The following ELFN1 variants were observed in gnomAD, a reference collection of about 807,000 sequenced individuals.
ELFN1 encodes protein ELFN1.
In ELFN1, 6 loss-of-function variants were observed where a neutral mutation model predicts 7.6. The ratio of observed to expected loss-of-function variants is 0.79; its 90% CI spans 0.43 to 1.56. The LOEUF (loss-of-function observed/expected upper bound fraction) is 1.56, where lower values mean the gene tolerates loss of function less well. ELFN1 is among the 40% of genes most tolerant of loss of function. The probability of loss-of-function intolerance (pLI) is 0.01; values close to 1 mark genes in which losing one functional copy is unlikely to be tolerated. For missense variants in ELFN1, 1,169 were observed against 1,232.2 expected (o/e 0.95, Z 0.77); for synonymous variants, 657 against 588.1 (o/e 1.12, Z -1.70).
At chr7:1,677,810 G>A (rs192042889) in intron 1 of ELFN1, among the ~76,000 whole-genome samples, 121 of 152,190 alleles carry the variant, frequency 8.0e-4, no homozygotes, top group South Asian at 6.2e-4. Context: ...TCGAGCGGAT[G>A]GAGGCTCTGA....
At chr7:1,666,147 C>T (rs1412612536), upstream of ELFN1, among the ~76,000 whole-genome samples, 10 of 152,150 alleles carry the variant, frequency 6.6e-5, no homozygotes, top group East Asian at 1.9e-3. This position sits in a 1 kb window ranked among gnomAD's most constrained non-coding sequence, Gnocchi z 7.9. Flanking sequence ...GTGCCTCCAG[C>T]CCGGGGCCCG....
intron 3 of ELFN1, among the ~76,000 whole-genome samples, chr7:1,734,207 A>T (rs547271429): frequency 6.2e-4 from 94 of 152,170 alleles, no homozygotes; most frequent in Non-Finnish European, 7.2e-4. Flanking sequence ...GGCATAAGTG[A>T]TGCGCTTTCT....
chr7:1,691,566 G>A (rs1290130979), intron 2 of ELFN1, among the ~76,000 whole-genome samples: 2 of 152,216 alleles, frequency 1.3e-5, no homozygotes, highest in Non-Finnish European at 2.9e-5. Context: ...TGAAGGCTGT[G>A]TTAGGCTGGA....
At chr7:1,730,920 A>G (rs1780311861) in intron 3 of ELFN1, among the ~76,000 whole-genome samples, 2 of 152,132 alleles carry the variant, frequency 1.3e-5, no homozygotes, top group Admixed American at 1.3e-4. Flanking sequence ...AGCAACTGAG[A>G]AAAAAAATGA....
At chr7:1,667,887 G>T (rs549070048), upstream of ELFN1, among the ~76,000 whole-genome samples, 2 of 151,836 alleles carry the variant, frequency 1.3e-5, no homozygotes, top group South Asian at 2.1e-4. This position sits in a 1 kb window ranked among gnomAD's most constrained non-coding sequence, Gnocchi z 8.2. Flanking sequence ...GCCAATCGGC[G>T]CGGCCACGGG....
rs1227197829 is a variant in ELFN1 at position 1,713,078 on chromosome 7, C to G, written c.-294+3826C>G. 2.8e-4 allele frequency among the ~76,000 whole-genome samples: 43 copies of G among 152,296 alleles called. 1 individual carries two copies. The highest frequency in any genetic ancestry group is 1.0e-4 in the Non-Finnish European group (7 of 68,026). On this transcript the variant is annotated intron_variant, in intron 3 of 3. Coordinates refer to ENST00000424383, the MANE Select transcript of ELFN1 (RefSeq NM_001128636.4). Reference sequence around the variant, plus strand: ...TCCCACAGATATCTGTCCTTCCATCCCAGCCCAAGTTCAGGCTCCTCCAGG... The same window carrying G: ...TCCCACAGATATCTGTCCTTCCATCGCAGCCCAAGTTCAGGCTCCTCCAGG...
At chr7:1,716,773 T>C (rs1479746726) in intron 3 of ELFN1, among the ~76,000 whole-genome samples, 1 of 152,022 alleles carries the variant, frequency 6.6e-6, no homozygotes, top group East Asian at 1.9e-4. Context: ...CTAAAGTGGG[T>C]CAGAGAGCGT....
At chr7:1,684,491 G>T (rs534307971) in intron 1 of ELFN1, among the ~76,000 whole-genome samples, 2 of 151,920 alleles carry the variant, frequency 1.3e-5, no homozygotes, top group South Asian at 2.1e-4. Context: ...TCTTATGGTC[G>T]CTGTTTTCTT....
At chr7:1,717,377 C>T (rs926580271) in intron 3 of ELFN1, among the ~76,000 whole-genome samples, 1 of 152,210 alleles carries the variant, frequency 6.6e-6, no homozygotes, top group African/African-American at 2.4e-5. Context: ...GCCATGAGCA[C>T]CTCAGTGGGC....
chr7:1,746,498 GC>G lies in ELFN1; in HGVS notation c.1907del (p.Pro636LeufsTer48). The G allele has an allele frequency of 6.7e-7, 1 of 1,490,486 alleles. No individual in the cohort carries two copies. The highest frequency in any genetic ancestry group is 8.9e-7 in the Non-Finnish European group (1 of 1,128,800). The allele number at this position is 1,490,486 out of a possible 1,614,324, so 92.3% of individuals were successfully genotyped here. A position where few individuals can be genotyped will look rare whatever the true frequency, so the allele number is the denominator to read the frequency against. On this transcript the variant is annotated frameshift_variant, in exon 4 of 4. Transcript: ENST00000424383. LOFTEE classifies it low-confidence loss of function (END_TRUNC). ...GGCACCACAGCGTGGAGGCCGCCGG[GC>G]CCCCTCGTGCCAGCACCTCGTCCAG... Reference protein sequence around the residue: ...QRHHSVEAAGPPRASTSSSGS... With the variant: ...QRHHSVEAAGXPRASTSSSGS...
At chr7:1,727,989 C>T (rs12699184) in intron 3 of ELFN1, among the ~76,000 whole-genome samples, 8,883 of 152,156 alleles carry the variant, frequency 0.058, 324 homozygotes, top group African/African-American at 0.1. Context: ...TGCAGGGGAG[C>T]GGTTTGAGAG....
At chr7:1,683,384 T>C (rs1779009102) in intron 1 of ELFN1, among the ~76,000 whole-genome samples, 1 of 152,246 alleles carries the variant, frequency 6.6e-6, no homozygotes, top group Non-Finnish European at 1.5e-5. Flanking sequence ...TTTTCTATTC[T>C]CACTAAACCA....
At chr7:1,711,869 C>T (rs533433631) in intron 3 of ELFN1, among the ~76,000 whole-genome samples, 3 of 152,174 alleles carry the variant, frequency 2.0e-5, no homozygotes, top group Non-Finnish European at 4.4e-5. Context: ...GGGGAGGGGG[C>T]GGCAGCTCGG....
intron 3 of ELFN1, among the ~76,000 whole-genome samples, chr7:1,726,861 G>C (rs1057325528): frequency 2.0e-5 from 3 of 152,316 alleles, no homozygotes; most frequent in Middle Eastern, 3.4e-3. Context: ...CTTCCGTAGG[G>C]GACCCATGTC....
At chr7:1,699,334 C>A (rs140196325) in intron 2 of ELFN1, among the ~76,000 whole-genome samples, 64 of 152,298 alleles carry the variant, frequency 4.2e-4, no homozygotes, top group Admixed American at 7.2e-4. Flanking sequence ...CATTCACTGA[C>A]CTCCAGCAGT....
intron 3 of ELFN1, among the ~76,000 whole-genome samples, chr7:1,720,969 G>C (rs1780004471): frequency 6.6e-6 from 1 of 152,140 alleles, no homozygotes; most frequent in Non-Finnish European, 1.5e-5. Flanking sequence ...CACTCTCTCT[G>C]TGCCTCAGTT....
intron 1 of ELFN1, among the ~76,000 whole-genome samples, chr7:1,674,545 T>C (rs958479774): frequency 6.6e-6 from 1 of 151,920 alleles, no homozygotes; most frequent in Non-Finnish European, 1.5e-5. Flanking sequence ...GAGGCAGGCA[T>C]CCAGGCAGGA....
intron 3 of ELFN1, among the ~76,000 whole-genome samples, chr7:1,732,922 A>T (rs1211901837): frequency 2.0e-5 from 3 of 151,966 alleles, no homozygotes; most frequent in East Asian, 3.9e-4. Flanking sequence ...CTTTTTTGAG[A>T]CAGAATCTCA....
chr7:1,744,780 A>G lies in ELFN1; in HGVS notation c.184A>G (p.Ile62Val), dbSNP rs931956034. The change falls in exon 4 of 4, where the codon ATC becomes GTC. Residue 62 changes from isoleucine (I) to valine (V), a missense_variant. By Grantham distance (29) the Ile-to-Val change is conservative (BLOSUM62 3). Transcript: ENST00000424383. ...CATCCCACAGCAGATCAACAGCACC[A>G]TCGTGGACCTGCGGCTCAACGAGAA... is the stretch of plus-strand genomic sequence containing the variant. ...EAIPQQINST[I>V]VDLRLNENRI... 1.3e-6 allele frequency: 2 copies of G among 1,555,728 alleles called. No individual in the cohort carries two copies. The highest frequency in any genetic ancestry group is 1.7e-6 in the Non-Finnish European group (2 of 1,149,150).
Sources: allele counts gnomAD v4.1 joint callset (sites outside exome capture counted in the v4.1 genomes callset), GRCh38; gene constraint gnomAD v4.1.1; non-coding constraint Gnocchi (gnomAD v3.1); transcripts MANE v1.5; gene names NCBI Gene and HGNC (gene_info 2026-07-23, HGNC 2026-07-21).